Variants in EXOC6 observed in about 807,000 individuals in gnomAD.
EXOC6 encodes the protein SEC15-like 1.
A neutral mutation model predicts 112.5 loss-of-function variants in EXOC6; 60 were observed. The ratio of observed to expected loss-of-function variants is 0.53; its 90% CI spans 0.43 to 0.66. EXOC6 has a LOEUF of 0.66. Ranked by LOEUF, EXOC6 falls within the 30% of genes least tolerant of loss-of-function variation. The pLI, the probability that EXOC6 is intolerant of heterozygous loss-of-function variation, is 0.00. For synonymous variants in EXOC6, 295 were observed against 308.0 expected, an observed-to-expected ratio of 0.96 and a Z score of 0.44; for missense variants, 855 against 957.1, an observed-to-expected ratio of 0.89 and a Z score of 1.41.
At chr10:92,895,173 C>T (rs187568830) in intron 4 of EXOC6, among the ~76,000 whole-genome samples, 153 bp downstream of exon 4, 1 of 152,290 alleles carries the variant, frequency 6.6e-6, no homozygotes, top group East Asian at 1.9e-4. Context: ...ATTTTATTCC[C>T]TGAATATTCA....
intron 11 of EXOC6, 103 bp downstream of exon 11, chr10:92,934,533 T>C: frequency 1.0e-6 from 1 of 993,268 alleles, no homozygotes; most frequent in Non-Finnish European, 1.4e-6. Context: ...CATTCTGCAT[T>C]TTTTTAGTAG....
At chr10:92,968,504 T>A (rs1402100621) in intron 17 of EXOC6, among the ~76,000 whole-genome samples, 2 of 152,092 alleles carry the variant, frequency 1.3e-5, no homozygotes, top group Admixed American at 6.6e-5. Flanking sequence ...ATAAAAAAAA[T>A]TCTGTTAATG....
chr10:92,906,170 G>A (rs902439176), intron 5 of EXOC6, among the ~76,000 whole-genome samples: 4 of 151,912 alleles, frequency 2.6e-5, no homozygotes, highest in Non-Finnish European at 4.4e-5. Context: ...CCTTTCTTTC[G>A]ATTAGTGTCA....
At chr10:92,876,286 A>C (rs987768227) in intron 1 of EXOC6, among the ~76,000 whole-genome samples, 3 of 152,220 alleles carry the variant, frequency 2.0e-5, no homozygotes, top group Non-Finnish European at 2.9e-5. Context: ...AGGTAATTAT[A>C]ATAGCTAACA....
chr10:92,863,503 G>A (rs2133690353), intron 1 of EXOC6, among the ~76,000 whole-genome samples: 1 of 152,300 alleles, frequency 6.6e-6, no homozygotes, highest in South Asian at 2.1e-4. Context: ...GAGGCTGGGT[G>A]CAGTAGCTCA....
chr10:92,902,399 A>G (rs1030960163), intron 5 of EXOC6, among the ~76,000 whole-genome samples: 1 of 151,754 alleles, frequency 6.6e-6, no homozygotes, highest in Admixed American at 6.6e-5. Context: ...TGACATTTTA[A>G]AATCTCTTTG....
At chr10:92,973,575 G>A (rs568277496) in intron 17 of EXOC6, among the ~76,000 whole-genome samples, 88 of 152,310 alleles carry the variant, frequency 5.8e-4, no homozygotes, top group African/African-American at 2.0e-3. Flanking sequence ...TTTCTTCTCA[G>A]AGAAATTAAC....
At chr10:92,852,162 T>C (rs1847381516) in intron 1 of EXOC6, among the ~76,000 whole-genome samples, 1 of 152,214 alleles carries the variant, frequency 6.6e-6, no homozygotes, top group Non-Finnish European at 1.5e-5. Context: ...CAAAGTATTA[T>C]CAAAGTTCAC....
At chr10:92,833,268 C>A (rs1846550525), upstream of EXOC6, among the ~76,000 whole-genome samples, 1 of 152,172 alleles carries the variant, frequency 6.6e-6, no homozygotes, top group Non-Finnish European at 1.5e-5. Context: ...CTGTTTCAGG[C>A]TGCTGCAGCT....
At chr10:92,955,860 A>G in intron 17 of EXOC6, 146 bp downstream of exon 17, 1 of 692,108 alleles carries the variant, frequency 1.4e-6, no homozygotes. Context: ...GAGCAAGTAA[A>G]TGTCAGTTTC....
intron 2 of EXOC6, among the ~76,000 whole-genome samples, chr10:92,894,500 G>A (rs951005854): frequency 1.3e-5 from 2 of 152,130 alleles, no homozygotes; most frequent in Admixed American, 6.5e-5. Context: ...GTGGTCAATT[G>A]GGTCAGTGAT....
chr10:93,011,175 C>T (rs1197980518), intron 19 of EXOC6, among the ~76,000 whole-genome samples: 2 of 149,516 alleles, frequency 1.3e-5, no homozygotes, highest in East Asian at 3.9e-4. Flanking sequence ...GTAACATTTA[C>T]AGCCTTGGTT....
chr10:93,013,395 C>T (rs1844346352), intron 19 of EXOC6, among the ~76,000 whole-genome samples: 1 of 151,946 alleles, frequency 6.6e-6, no homozygotes, highest in Admixed American at 6.6e-5. Context: ...TGCCTGAGCT[C>T]AGGAGTTCAA....
At chr10:92,991,715 C>T (rs567477262) in intron 18 of EXOC6, among the ~76,000 whole-genome samples, 23 of 136,720 alleles carry the variant, frequency 1.7e-4, no homozygotes, top group African/African-American at 6.0e-4. Flanking sequence ...TTAAGATGAT[C>T]ACGTTCTATT....
At chr10:92,988,840 C>T (rs1214267547) in intron 18 of EXOC6, among the ~76,000 whole-genome samples, 1 of 148,038 alleles carries the variant, frequency 6.8e-6, no homozygotes, top group African/African-American at 2.5e-5. Flanking sequence ...CACACACACA[C>T]GCATTTCTGA....
At chr10:92,866,625 T>C (rs1848186193) in intron 1 of EXOC6, among the ~76,000 whole-genome samples, 2 of 151,982 alleles carry the variant, frequency 1.3e-5, no homozygotes, top group Admixed American at 1.3e-4. Context: ...GAGTTTACCT[T>C]TTCATCATCT....
rs77117418 is a variant in EXOC6 at position 92,953,554 on chromosome 10, G to A, written c.1527-1076G>A. ...TTGGTTGTTACAGTTCAGGGGAGAG[G>A]TGCTACTTGAAACTAGTGGATAGAG... On this transcript the variant is annotated intron_variant, in intron 15 of 21. Coordinates refer to ENST00000260762, the MANE Select transcript of EXOC6 (RefSeq NM_019053.6). 3.1e-3 allele frequency among the ~76,000 whole-genome samples: 473 copies of A among 152,248 alleles called. 3 individuals carry two copies. The highest frequency in any genetic ancestry group is 0.011 in the African/African-American group (453 of 41,550).
At chr10:93,001,000 A>C (rs1424189771) in intron 19 of EXOC6, among the ~76,000 whole-genome samples, 1 of 152,244 alleles carries the variant, frequency 6.6e-6, no homozygotes, top group Non-Finnish European at 1.5e-5. Context: ...TTAAATCTGG[A>C]GGAAAGTAGT....
chr10:92,975,256 C>T (rs1001946158), intron 18 of EXOC6, among the ~76,000 whole-genome samples: 19 of 151,768 alleles, frequency 1.3e-4, no homozygotes, highest in Admixed American at 4.6e-4. Flanking sequence ...TACCCGGCCG[C>T]GACCCCGTCT....
Sources: allele counts gnomAD v4.1 joint callset (sites outside exome capture counted in the v4.1 genomes callset), GRCh38; gene constraint gnomAD v4.1.1; transcripts MANE v1.5; gene names NCBI Gene and HGNC (gene_info 2026-07-23, HGNC 2026-07-21).